ATXN7L1: variants seen among roughly 807,000 people sequenced by gnomAD.
ATXN7L1 encodes the protein ataxin-7-like protein 1.
In ATXN7L1, 15 loss-of-function variants were observed where a neutral mutation model predicts 70.8. That is an observed-to-expected ratio of 0.21 (90% CI 0.14 to 0.33). The LOEUF (loss-of-function observed/expected upper bound fraction) is 0.33, where lower values mean the gene tolerates loss of function less well. Among genes scored for constraint, ATXN7L1 ranks in the 10% least tolerant of loss-of-function variants. The pLI is 1.00. For missense variants in ATXN7L1, 975 were observed against 1,097.1 expected, an observed-to-expected ratio of 0.89 and a Z score of 1.57; for synonymous variants, 440 against 445.1, an observed-to-expected ratio of 0.99 and a Z score of 0.14.
intron 5 of ATXN7L1, among the ~76,000 whole-genome samples, chr7:105,642,496 G>C (rs1425504734): frequency 1.3e-5 from 2 of 152,174 alleles, no homozygotes; most frequent in Non-Finnish European, 2.9e-5. Flanking sequence ...TGGAAGCCAG[G>C]GCTAGTTCAA....
At chr7:105,725,800 C>T (rs1210666607) in intron 3 of ATXN7L1, among the ~76,000 whole-genome samples, 2 of 151,844 alleles carry the variant, frequency 1.3e-5, no homozygotes, top group East Asian at 1.9e-4. Context: ...AGGCTGGTCT[C>T]GAACTCCCGA....
intron 3 of ATXN7L1, among the ~76,000 whole-genome samples, chr7:105,744,319 T>C (rs1250038456): frequency 6.6e-6 from 1 of 152,180 alleles, no homozygotes; most frequent in Non-Finnish European, 1.5e-5. Flanking sequence ...CAACCATTTA[T>C]CTAAATGGTT....
At chr7:105,661,136 G>A (rs151123196) in intron 4 of ATXN7L1, among the ~76,000 whole-genome samples, 18 of 152,350 alleles carry the variant, frequency 1.2e-4, no homozygotes, top group African/African-American at 4.3e-4. Flanking sequence ...TTAGTCAACT[G>A]TGCACCTGGT....
chr7:105,843,935 T>C (rs767058669), intron 2 of ATXN7L1, among the ~76,000 whole-genome samples: 1 of 152,234 alleles, frequency 6.6e-6, no homozygotes, highest in African/African-American at 2.4e-5. Context: ...ACTGGGCAGT[T>C]TTCCCTTACA....
chr7:105,767,302 G>A (rs1341452683), intron 3 of ATXN7L1, among the ~76,000 whole-genome samples: 1 of 151,990 alleles, frequency 6.6e-6, no homozygotes, highest in Non-Finnish European at 1.5e-5. Context: ...TTTCAAGAGG[G>A]TCCACCTGAG....
chr7:105,782,693 A>G (rs1410366972), intron 3 of ATXN7L1, among the ~76,000 whole-genome samples: 9 of 152,232 alleles, frequency 5.9e-5, no homozygotes, highest in Non-Finnish European at 1.3e-4. Context: ...GAGATACTGG[A>G]GCTTCACGGC....
At chr7:105,728,624 T>TC (rs2116322977) in intron 3 of ATXN7L1, among the ~76,000 whole-genome samples, 1 of 152,262 alleles carries the variant, frequency 6.6e-6, no homozygotes, top group East Asian at 1.9e-4. Context: ...GCAGCAACAC[T>TC]CCAGCTGCAA....
intron 2 of ATXN7L1, among the ~76,000 whole-genome samples, chr7:105,863,560 C>T (rs967861368): frequency 2.6e-5 from 4 of 152,190 alleles, no homozygotes; most frequent in Admixed American, 2.6e-4. Context: ...CTGCTTGCTT[C>T]CCCTTAGTCC....
intron 2 of ATXN7L1, among the ~76,000 whole-genome samples, chr7:105,833,376 G>A (rs1166834830): frequency 6.6e-6 from 1 of 152,130 alleles, no homozygotes; most frequent in Non-Finnish European, 1.5e-5. Flanking sequence ...AACCCCTGGA[G>A]CCCCTGTATT....
intron 2 of ATXN7L1, among the ~76,000 whole-genome samples, chr7:105,796,941 C>T (rs1189704112): frequency 2.0e-5 from 3 of 152,206 alleles, no homozygotes; most frequent in Non-Finnish European, 4.4e-5. Flanking sequence ...GAATGTTGAG[C>T]TCCCCTCTAG....
intron 4 of ATXN7L1, among the ~76,000 whole-genome samples, chr7:105,650,206 G>C (rs753025912): frequency 1.3e-4 from 20 of 152,312 alleles, no homozygotes; most frequent in South Asian, 6.2e-4. Context: ...GTAAATAACA[G>C]AGACACAAAG....
intron 2 of ATXN7L1, among the ~76,000 whole-genome samples, chr7:105,845,975 C>T (rs569609803): frequency 2.0e-5 from 3 of 152,094 alleles, no homozygotes; most frequent in Non-Finnish European, 4.4e-5. Context: ...AATCTTGTGA[C>T]CTGAAATTAG....
At chr7:105,666,219 G>A (rs1156669550) in intron 3 of ATXN7L1, among the ~76,000 whole-genome samples, 2 of 152,156 alleles carry the variant, frequency 1.3e-5, no homozygotes, top group African/African-American at 4.8e-5. Context: ...TTACAGGAAG[G>A]AATCCCAAAC....
intron 4 of ATXN7L1, among the ~76,000 whole-genome samples, chr7:105,646,657 A>G (rs530713951): frequency 6.6e-6 from 1 of 151,234 alleles, no homozygotes; most frequent in Non-Finnish European, 1.5e-5. Context: ...ACCTCAGGTG[A>G]TCTGCCTGCC....
intron 3 of ATXN7L1, among the ~76,000 whole-genome samples, chr7:105,724,329 T>C (rs999945224): frequency 1.9e-4 from 29 of 152,236 alleles, no homozygotes; most frequent in Admixed American, 1.6e-3. Context: ...ATCCTAGCAC[T>C]TTGGGAGGCC....
intron 2 of ATXN7L1, among the ~76,000 whole-genome samples, chr7:105,796,590 G>A (rs1388874047): frequency 2.0e-5 from 3 of 152,108 alleles, no homozygotes; most frequent in Non-Finnish European, 4.4e-5. Context: ...TTCCTGAGAA[G>A]AACAGCAACT....
At position 105,866,550 on chromosome 7, in the gene ATXN7L1, G is replaced by T. The variant is rs567339345; in HGVS notation, c.250+9262C>A. On this transcript the variant is annotated intron_variant, in intron 2 of 11. Coordinates refer to ENST00000419735, the MANE Select transcript of ATXN7L1 (RefSeq NM_020725.2). ...TGTAGCCTCAGCCCACTTGCAAGAAGGGATTTCCTGAGGTTTCATCATTAG... is the reference window on the plus strand; with the variant it reads ...TGTAGCCTCAGCCCACTTGCAAGAATGGATTTCCTGAGGTTTCATCATTAG... 4.6e-5 allele frequency among the ~76,000 whole-genome samples: 7 copies of T among 152,300 alleles called. No homozygotes were observed. In the South Asian group the frequency reaches 8.3e-4, roughly 18 times the overall value.
intron 3 of ATXN7L1, among the ~76,000 whole-genome samples, chr7:105,751,339 T>C (rs920163780): frequency 6.6e-6 from 1 of 152,158 alleles, no homozygotes; most frequent in African/African-American, 2.4e-5. Context: ...GTAACCAGCA[T>C]CTGGATCAGA....
At chr7:105,716,390 G>A (rs1794550301) in intron 3 of ATXN7L1, among the ~76,000 whole-genome samples, 1 of 152,062 alleles carries the variant, frequency 6.6e-6, no homozygotes, top group South Asian at 2.1e-4. Flanking sequence ...AGCGTTTGGA[G>A]ACCTCTGCAA....
Sources: gnomAD v4.1 joint callset for allele counts (sites outside exome capture counted in the v4.1 genomes callset) on GRCh38, gnomAD v4.1.1 for gene constraint, MANE v1.5 for transcripts, NCBI Gene and HGNC (gene_info 2026-07-23, HGNC 2026-07-21) for gene names.